Variants in ACTR3C observed in about 807,000 individuals in gnomAD.
ACTR3C encodes the protein actin-related protein 3C.
Under a neutral mutation model 26.3 loss-of-function variants are expected in ACTR3C, and 18 were observed. The ratio of observed to expected loss-of-function variants is 0.68; its 90% CI spans 0.47 to 1.01. The LOEUF (loss-of-function observed/expected upper bound fraction) is 1.01. Ranked by LOEUF, ACTR3C falls within the 50% of genes least tolerant of loss-of-function variation. ACTR3C has a pLI of 0.00. For synonymous variants in ACTR3C, 55 were observed against 94.5 expected (o/e 0.58, Z 2.42); for missense variants, 184 against 250.7 (o/e 0.73, Z 1.80).
the ACTR3C span, among the ~76,000 whole-genome samples, chr7:150,135,159 C>G: frequency 6.6e-6 from 1 of 152,220 alleles, no homozygotes; most frequent in East Asian, 1.9e-4. Flanking sequence ...GTAGTCCCAG[C>G]TACTCGGGAG....
At chr7:150,221,998 C>CAAAAAAAAAAAA in the ACTR3C span, among the ~76,000 whole-genome samples, 19 of 79,794 alleles carry the variant, frequency 2.4e-4, no homozygotes, top group African/African-American at 8.9e-4. Flanking sequence ...ACTCCGTCTC[C>CAAAAAAAAAAAA]AAAAAAAAAA....
At chr7:150,047,768 G>C in the ACTR3C span, 1 of 1,509,008 alleles carries the variant, frequency 6.6e-7, no homozygotes, top group Non-Finnish European at 8.9e-7. Flanking sequence ...GCCCCTGGCC[G>C]CCCAGGAGGT....
chr7:150,161,974 A>T, the ACTR3C span, among the ~76,000 whole-genome samples: 1 of 152,206 alleles, frequency 6.6e-6, no homozygotes, highest in African/African-American at 2.4e-5. Flanking sequence ...ACTATATTTT[A>T]TCAAGTCTAA....
chr7:150,254,166 T>G (rs141920854), intron 6 of ACTR3C, among the ~76,000 whole-genome samples: 9 of 152,058 alleles, frequency 5.9e-5, no homozygotes, highest in Non-Finnish European at 1.3e-4. Context: ...GAGAGAGAAA[T>G]GATTTACCCC....
the ACTR3C span, among the ~76,000 whole-genome samples, chr7:149,969,488 C>T: frequency 6.6e-6 from 1 of 152,050 alleles, no homozygotes; most frequent in East Asian, 1.9e-4. Context: ...CGTGCATGAG[C>T]GGAAGTCTTC....
the ACTR3C span, among the ~76,000 whole-genome samples, chr7:150,075,443 C>T: frequency 1.3e-5 from 2 of 150,360 alleles, no homozygotes; most frequent in African/African-American, 4.9e-5. Context: ...GAACTGACTC[C>T]ACCTCTCAAG....
chr7:150,019,006 C>T, the ACTR3C span, among the ~76,000 whole-genome samples: 7 of 150,144 alleles, frequency 4.7e-5, no homozygotes, highest in East Asian at 9.6e-4. Flanking sequence ...ATATTAAGCC[C>T]CTTTTCTGTG....
intron 1 of ACTR3C, among the ~76,000 whole-genome samples, chr7:150,308,643 TC>T (rs747834284): frequency 1.3e-4 from 19 of 151,606 alleles, no homozygotes; most frequent in Non-Finnish European, 2.4e-4. Flanking sequence ...CTGACCTCTC[TC>T]CCCCTCCCCA....
At chr7:150,311,769 T>C (rs7781827) in intron 1 of ACTR3C, among the ~76,000 whole-genome samples, 43,950 of 152,134 alleles carry the variant, frequency 0.29, 6,552 homozygotes, top group East Asian at 0.43. Context: ...TGTTGTGTCC[T>C]GTACCTCTAT....
chr7:150,086,716 C>T, the ACTR3C span, among the ~76,000 whole-genome samples: 1 of 152,158 alleles, frequency 6.6e-6, no homozygotes, highest in Non-Finnish European at 1.5e-5. Context: ...GAAAGAAGAG[C>T]GGGAGGTGGC....
intron 6 of ACTR3C, among the ~76,000 whole-genome samples, chr7:150,264,057 G>A (rs1421488262): frequency 2.0e-5 from 3 of 152,176 alleles, no homozygotes; most frequent in African/African-American, 4.8e-5. Flanking sequence ...CCTGAGCGCC[G>A]GGAGAGCTGC....
the ACTR3C span, among the ~76,000 whole-genome samples, chr7:150,184,675 T>G: frequency 6.6e-6 from 1 of 150,594 alleles, no homozygotes; most frequent in Admixed American, 6.6e-5. Context: ...AAGCCAGCAC[T>G]GAATAACTAT....
chr7:150,313,814 G>C (rs1348167743), intron 1 of ACTR3C, among the ~76,000 whole-genome samples: 1 of 152,190 alleles, frequency 6.6e-6, no homozygotes, highest in African/African-American at 2.4e-5. Flanking sequence ...CACTGGAAGG[G>C]CTCACTGAGC....
At chr7:149,973,771 T>A in the ACTR3C span, among the ~76,000 whole-genome samples, 1 of 151,622 alleles carries the variant, frequency 6.6e-6, no homozygotes, top group East Asian at 1.9e-4. Context: ...CCAGTCCAGG[T>A]GTCCGACCCT....
At chr7:150,170,670 C>T in the ACTR3C span, among the ~76,000 whole-genome samples, 2 of 146,036 alleles carry the variant, frequency 1.4e-5, no homozygotes, top group African/African-American at 2.8e-5. Flanking sequence ...GTCCCAGGGA[C>T]CCACCGTAAA....
the ACTR3C span, among the ~76,000 whole-genome samples, chr7:150,048,570 G>A: frequency 1.3e-5 from 2 of 152,062 alleles, no homozygotes; most frequent in African/African-American, 2.4e-5. Context: ...GCGAGCGGAC[G>A]GTGCAAGGGG....
At chr7:150,043,689 G>C in the ACTR3C span, among the ~76,000 whole-genome samples, 2 of 152,346 alleles carry the variant, frequency 1.3e-5, no homozygotes, top group African/African-American at 4.8e-5. Flanking sequence ...GGTCCTATTG[G>C]TGATGAGAGT....
the ACTR3C span, among the ~76,000 whole-genome samples, chr7:150,056,430 A>G: frequency 6.6e-6 from 1 of 152,244 alleles, no homozygotes; most frequent in African/African-American, 2.4e-5. Flanking sequence ...CCATTTCCGA[A>G]CAATTTCCTT....
the ACTR3C span, among the ~76,000 whole-genome samples, chr7:149,940,808 G>T: frequency 6.7e-6 from 1 of 149,718 alleles, no homozygotes; most frequent in Non-Finnish European, 1.5e-5. Flanking sequence ...GTTGACTCAT[G>T]CATGGGGCGG....
Sources: allele counts gnomAD v4.1 joint callset (sites outside exome capture counted in the v4.1 genomes callset), GRCh38; gene constraint gnomAD v4.1.1; transcripts MANE v1.5; gene names NCBI Gene and HGNC (gene_info 2026-07-23, HGNC 2026-07-21).